The following SCN10A variants were observed in gnomAD, a reference collection of about 807,000 sequenced individuals.
SCN10A encodes the protein sodium voltage-gated channel alpha subunit 10.
SCN10A carries 162 observed loss-of-function variants against 170.7 expected under a neutral mutation model. The observed-to-expected ratio is 0.95, with a 90% CI of 0.84 to 1.08. The LOEUF is 1.08. SCN10A is among the 50% of genes least tolerant of loss of function. The pLI is 0.00. For missense variants in SCN10A, 2,527 were observed against 2,436.9 expected, an observed-to-expected ratio of 1.04 and a Z score of -0.78; for synonymous variants, 985 against 904.6, an observed-to-expected ratio of 1.09 and a Z score of -1.59.
intron 6 of SCN10A, among the ~76,000 whole-genome samples, chr3:38,761,837 TGAGA>T (rs772881421): frequency 0.11 from 15,387 of 144,412 alleles, 1,403 homozygotes; most frequent in African/African-American, 0.25. Context: ...TGTGTGTGTG[TGAGA>T]GAGAGAGAGA....
At chr3:38,744,226 G>A (rs1270077336) in intron 13 of SCN10A, among the ~76,000 whole-genome samples, 3 of 152,202 alleles carry the variant, frequency 2.0e-5, no homozygotes, top group African/African-American at 7.2e-5. Flanking sequence ...ACTGGAGTGG[G>A]AGGGGGGTGC....
intron 4 of SCN10A, among the ~76,000 whole-genome samples, chr3:38,776,845 T>C (rs1028203379): frequency 5.3e-5 from 8 of 152,018 alleles, no homozygotes; most frequent in Non-Finnish European, 1.5e-5. Flanking sequence ...TACACCTAAT[T>C]GAATCCAGCA....
chr3:38,722,195 C>T, intron 20 of SCN10A, 63 bp downstream of exon 20: 1 of 1,509,344 alleles, frequency 6.6e-7, no homozygotes, highest in Admixed American at 1.8e-5. Flanking sequence ...AGCTCCAGGG[C>T]CTTTGGATTG....
chr3:38,761,349 T>G lies in SCN10A; in HGVS notation c.726A>C (p.Ser242=). The change falls in exon 7 of 28, where the codon TCA becomes TCC. Residue 242 remains serine, a synonymous_variant. Coordinates refer to ENST00000449082, the MANE Select transcript of SCN10A (RefSeq NM_006514.4). ...LKVIVGALIH[S]VKKLADVTIL... is the part of the protein sequence containing the mutation. ...TGGTCACATCAGCCAGTTTCTTCAC[T>G]GAGTGAATCAGGGCCCCCACAATGA... 1 of 1,613,844 alleles carries G rather than the reference T, an allele frequency of 6.2e-7. No homozygotes were observed.
chr3:38,761,835 TGTGA>T (rs1160777597), intron 6 of SCN10A, among the ~76,000 whole-genome samples: 75 of 132,060 alleles, frequency 5.7e-4, no homozygotes, highest in East Asian at 2.3e-3. Context: ...TGTGTGTGTG[TGTGA>T]GAGAGAGAGA....
chr3:38,698,665 TG>T (rs1039630323), intron 27 of SCN10A, 103 bp from the exon 28 acceptor site: 14 of 1,107,670 alleles, frequency 1.3e-5, no homozygotes, highest in Non-Finnish European at 1.7e-5. Flanking sequence ...GACTGCCACT[TG>T]GGCATCCACA....
At chr3:38,771,978 A>C (rs747129870) in intron 4 of SCN10A, among the ~76,000 whole-genome samples, 1 of 152,214 alleles carries the variant, frequency 6.6e-6, no homozygotes, top group Non-Finnish European at 1.5e-5. Flanking sequence ...GAATTGCTTG[A>C]AAGTTTTTTA....
At position 38,757,137 on chromosome 3, in the gene SCN10A, A is replaced by T; in HGVS notation, c.973T>A (p.Cys325Ser). 1 of 1,609,940 alleles carries T rather than the reference A, an allele frequency of 6.2e-7. No individual in the cohort carries two copies. Among genetic ancestry groups the T allele is most frequent in the Non-Finnish European group, 8.5e-7 (1 of 1,178,116 alleles). ...DSGHCPDGYI[C>S]LKTSDNPDFN... is the part of the protein sequence containing the mutation. ...TCCGGGTTGTCAGAAGTTTTAAGGC[A>T]GATATAACCATCAGGGCAGTGGCTG... The change falls in exon 9 of 28, where the codon TGC becomes AGC. Residue 325 changes from cysteine (C) to serine (S), a missense_variant. Coordinates refer to ENST00000449082, the MANE Select transcript of SCN10A (RefSeq NM_006514.4).
At position 38,698,172 on chromosome 3, in the gene SCN10A, G is replaced by C; in HGVS notation, c.5048C>G (p.Pro1683Arg). The C allele has an allele frequency of 6.2e-7, 1 of 1,614,178 alleles. No homozygotes were observed. The highest frequency in any genetic ancestry group is 8.5e-7 in the Non-Finnish European group (1 of 1,180,020). Residue 1683 changes from proline to arginine, a missense_variant, in exon 28 of 28, where the codon CCC (proline) becomes CGC (arginine). By Grantham distance (103) the Pro-to-Arg change is moderately radical (BLOSUM62 -2). Transcript: ENST00000449082. ...GTCCCCTCTGGTGCCATTGCTGTTG[G>C]GCAGATTGGGGTCACAGTAGGGGGG... ...TGPPYCDPNLPNSNGTRGDCG... is the reference protein window; with the variant it reads ...TGPPYCDPNLRNSNGTRGDCG...
chr3:38,735,245 G>C (rs1326976488), intron 15 of SCN10A, among the ~76,000 whole-genome samples: 2 of 149,756 alleles, frequency 1.3e-5, no homozygotes, highest in Non-Finnish European at 3.0e-5. Flanking sequence ...GATTATGTTA[G>C]AAAATTTAAA....
intron 4 of SCN10A, among the ~76,000 whole-genome samples, chr3:38,773,890 A>T (rs893657858): frequency 6.6e-6 from 1 of 152,178 alleles, no homozygotes; most frequent in Admixed American, 6.5e-5. Context: ...GAAATTGAAA[A>T]ATTAAAAATT....
At chr3:38,808,045 G>A (rs1005542367) in intron 1 of SCN10A, among the ~76,000 whole-genome samples, 3 of 152,052 alleles carry the variant, frequency 2.0e-5, no homozygotes, top group African/African-American at 7.2e-5. Flanking sequence ...ACCTCTTTGG[G>A]TTTAGACATT....
intron 1 of SCN10A, among the ~76,000 whole-genome samples, chr3:38,797,750 G>A (rs1371131832): frequency 1.3e-5 from 2 of 152,186 alleles, no homozygotes; most frequent in African/African-American, 4.8e-5. Flanking sequence ...AATTCTCTCA[G>A]TGACACTGGA....
chr3:38,723,615 C>T (rs1302503257), intron 18 of SCN10A, 62 bp from the exon 19 acceptor site: 23 of 1,538,270 alleles, frequency 1.5e-5, no homozygotes, highest in East Asian at 9.8e-5. Flanking sequence ...GAATTGCACA[C>T]GGTCACTGCA....
In SCN10A at chr3:38,697,637, G is replaced by A; in HGVS notation, c.5583C>T (p.Ala1861=). Residue 1861 remains alanine, a synonymous_variant, in exon 28 of 28, where the codon GCC becomes GCT. Coordinates refer to ENST00000449082, the MANE Select transcript of SCN10A (RefSeq NM_006514.4). The stretch of plus-strand genomic sequence containing the variant: ...AGCGGTGCAGCACATAGCTCCGATA[G>A]GCCTTTTGAATGACAGTGGCTGAAA... The part of the protein sequence containing the change: ...EDISATVIQK[A]YRSYVLHRSM... The A allele has an allele frequency of 1.2e-6, 2 of 1,614,222 alleles. No homozygotes were observed. Among genetic ancestry groups the A allele is most frequent in the Non-Finnish European group, 1.7e-6 (2 of 1,180,042 alleles).
In SCN10A at chr3:38,698,068, T is replaced by A; in HGVS notation, c.5152A>T (p.Ile1718Phe). Residue 1718 changes from isoleucine (I) to phenylalanine (F), a missense_variant, in exon 28 of 28, where the codon ATT becomes TTT. Coordinates refer to ENST00000449082, the MANE Select transcript of SCN10A (RefSeq NM_006514.4). Reference sequence around the variant, plus strand: ...TTGAAGTTCTCCAGAATCACTGCAATGTACATGTTGACCATGATGAGGAAG... The same window carrying A: ...TTGAAGTTCTCCAGAATCACTGCAAAGTACATGTTGACCATGATGAGGAAG... ...ISFLIMVNMY[I>F]AVILENFNVA... is the part of the protein sequence containing the mutation. 6.2e-7 allele frequency: 1 copy of A among 1,614,142 alleles called. No individual in the cohort carries two copies.
chr3:38,794,090 G>A, intron 1 of SCN10A, 48 bp from the exon 2 acceptor site: 2 of 1,288,294 alleles, frequency 1.6e-6, no homozygotes, highest in Middle Eastern at 1.9e-4. Context: ...TTGCCCACTG[G>A]CCCTGTCCCT....
chr3:38,815,580 G>C (rs990989228), intron 1 of SCN10A, among the ~76,000 whole-genome samples: 1 of 152,214 alleles, frequency 6.6e-6, no homozygotes, highest in African/African-American at 2.4e-5. Flanking sequence ...TATCACCACT[G>C]ACCCGGAGAC....
At chr3:38,727,220 G>A (rs1464319378) in intron 16 of SCN10A, among the ~76,000 whole-genome samples, 168 bp from the exon 17 acceptor site, 2 of 152,224 alleles carry the variant, frequency 1.3e-5, no homozygotes, top group African/African-American at 2.4e-5. Flanking sequence ...GCAGTTGAGG[G>A]AAAGTTTGGG....
Sources: gnomAD v4.1 joint callset for allele counts (sites outside exome capture counted in the v4.1 genomes callset) on GRCh38, gnomAD v4.1.1 for gene constraint, MANE v1.5 for transcripts, NCBI Gene and HGNC (gene_info 2026-07-23, HGNC 2026-07-21) for gene names.